The following DLC1 variants were observed in gnomAD, a reference collection of about 807,000 sequenced individuals.
DLC1 encodes the protein DLC1 Rho GTPase activating protein, also known as rho GTPase-activating protein 7.
DLC1 carries 54 observed loss-of-function variants against 140.3 expected under a neutral mutation model. The observed-to-expected ratio is 0.38, with a 90% CI of 0.31 to 0.48. The LOEUF is 0.48. Ranked by LOEUF, DLC1 falls within the 20% of genes least tolerant of loss-of-function variation. The pLI is 0.96. For synonymous variants in DLC1, 986 were observed against 728.1 expected (o/e 1.35, Z -5.70); for missense variants, 2,536 against 1,907.0 (o/e 1.33, Z -6.14).
chr8:13,108,660 C>T (rs1462105440), intron 7 of DLC1, among the ~76,000 whole-genome samples: 2 of 152,178 alleles, frequency 1.3e-5, no homozygotes, highest in Non-Finnish European at 2.9e-5. Context: ...AATTCCTAAG[C>T]TATTGCTGCT....
intron 5 of DLC1, among the ~76,000 whole-genome samples, chr8:13,179,877 C>G (rs1186669002): frequency 2.6e-5 from 4 of 152,072 alleles, no homozygotes; most frequent in African/African-American, 4.8e-5. Flanking sequence ...GATCTGGACT[C>G]AGGAGAGAAG....
chr8:13,181,617 G>A (rs1013187163), intron 5 of DLC1, among the ~76,000 whole-genome samples: 8 of 151,798 alleles, frequency 5.3e-5, no homozygotes, highest in South Asian at 2.1e-4. Context: ...ATAGTTTGCT[G>A]AGAATGATGG....
At chr8:13,604,338 G>A (rs1319299522) in intron 1 of DLC1, among the ~76,000 whole-genome samples, 10 of 152,104 alleles carry the variant, frequency 6.6e-5, no homozygotes, top group Non-Finnish European at 1.3e-4. Flanking sequence ...ATGTCAGACA[G>A]TGACACTGAG....
chr8:13,290,036 A>G (rs530549922), intron 5 of DLC1, among the ~76,000 whole-genome samples: 58 of 150,816 alleles, frequency 3.8e-4, no homozygotes, highest in African/African-American at 1.3e-3. Flanking sequence ...TAAGTTCTGT[A>G]CAGGTAGTGT....
At chr8:13,200,017 C>A (rs897051948) in intron 5 of DLC1, among the ~76,000 whole-genome samples, 1 of 152,028 alleles carries the variant, frequency 6.6e-6, no homozygotes, top group African/African-American at 2.4e-5. Flanking sequence ...TCACTTAATC[C>A]TCATAACAAC....
At position 13,085,349 on chromosome 8, in the gene DLC1, A is replaced by AT. The variant is rs1469167002; in HGVS notation, c.*461dup. The AT allele has an allele frequency of 6.5e-6, 1 of 153,898 alleles. No individual in the cohort carries two copies. The highest frequency in any genetic ancestry group is 1.5e-5 in the Non-Finnish European group (1 of 68,920). 9.5% of individuals were successfully genotyped at this position (153,898 alleles called of 1,614,324 possible). ...GCCATTCAGCCAGCAACAAACACAC[A>AT]TTCACACTCCTCTGTGCAAACCTTT... On this transcript the variant is annotated 3_prime_UTR_variant, in exon 18 of 18. Transcript: ENST00000276297.
chr8:13,188,801 GTATATATATATATATATA>G lies in DLC1; in HGVS notation c.1349-73162_1349-73145del, dbSNP rs1237501850. On this transcript the variant is annotated intron_variant, in intron 5 of 17. Coordinates refer to ENST00000276297, the MANE Select transcript of DLC1 (RefSeq NM_182643.3). The stretch of plus-strand genomic sequence containing the variant: ...AATGTGTGTGTGTGTGTGTGTGTGT[GTATATATATATATATATA>G]TATATATGTATATATATATATATAT... 7.1e-3 allele frequency among the ~76,000 whole-genome samples: 513 copies of G among 71,774 alleles called. 5 individuals are homozygous for G. The highest frequency in any genetic ancestry group is 0.032 in the African/African-American group (472 of 14,980). 47.1% of individuals were successfully genotyped at this position (71,774 alleles called of 152,430 possible). A position where few individuals can be genotyped will look rare whatever the true frequency, so the allele number is the denominator to read the frequency against.
intron 2 of DLC1, among the ~76,000 whole-genome samples, chr8:13,480,033 G>T (rs1163378851): frequency 6.6e-6 from 1 of 152,122 alleles, no homozygotes; most frequent in Non-Finnish European, 1.5e-5. Flanking sequence ...GCCACTTGCA[G>T]TCCGACCTGA....
chr8:13,384,033 G>A (rs1274028596), intron 4 of DLC1, among the ~76,000 whole-genome samples: 5 of 152,168 alleles, frequency 3.3e-5, no homozygotes, highest in African/African-American at 9.7e-5. Flanking sequence ...TCCATGGTGT[G>A]CATGTATCAG....
intron 8 of DLC1, among the ~76,000 whole-genome samples, chr8:13,102,412 G>T (rs1343332685): frequency 6.6e-6 from 1 of 152,056 alleles, no homozygotes; most frequent in African/African-American, 2.4e-5. Context: ...TTGAAGCACA[G>T]TTATTGTTAT....
intron 5 of DLC1, among the ~76,000 whole-genome samples, chr8:13,121,741 C>T (rs191684637): frequency 6.6e-6 from 1 of 152,042 alleles, no homozygotes; most frequent in East Asian, 1.9e-4. Context: ...TTTATAGAGA[C>T]AGAGTCTCGC....
At chr8:13,603,400 AT>A (rs998239796) in intron 1 of DLC1, among the ~76,000 whole-genome samples, 2 of 150,730 alleles carry the variant, frequency 1.3e-5, no homozygotes, top group Admixed American at 6.6e-5. Flanking sequence ...TTTTACTTTA[AT>A]TTTTTTTTAG....
At chr8:13,132,591 C>A (rs1408316016) in intron 5 of DLC1, among the ~76,000 whole-genome samples, 1 of 152,144 alleles carries the variant, frequency 6.6e-6, no homozygotes, top group Non-Finnish European at 1.5e-5. Context: ...GCGGTGTCGC[C>A]GCGCCCCTCG....
chr8:13,587,082 A>G (rs1252291208), intron 1 of DLC1, among the ~76,000 whole-genome samples: 1 of 149,672 alleles, frequency 6.7e-6, no homozygotes, highest in Non-Finnish European at 1.5e-5. Context: ...TAGTTTACAC[A>G]CACACACACA....
chr8:13,443,674 A>T (rs1390065180), intron 2 of DLC1, among the ~76,000 whole-genome samples: 2 of 151,180 alleles, frequency 1.3e-5, no homozygotes, highest in Non-Finnish European at 2.9e-5. Flanking sequence ...AAAAAAAAAA[A>T]AGAAAAAGAA....
intron 2 of DLC1, among the ~76,000 whole-genome samples, chr8:13,430,963 T>A (rs1461712335): frequency 6.6e-6 from 1 of 152,208 alleles, no homozygotes; most frequent in Non-Finnish European, 1.5e-5. Flanking sequence ...TGAAGTCGCA[T>A]GAAACATATT....
At chr8:13,577,207 A>T (rs1804873947) in intron 1 of DLC1, among the ~76,000 whole-genome samples, 1 of 152,184 alleles carries the variant, frequency 6.6e-6, no homozygotes, top group African/African-American at 2.4e-5. Flanking sequence ...TTCACTCCTC[A>T]AAGACTGTGC....
intron 2 of DLC1, among the ~76,000 whole-genome samples, chr8:13,479,006 A>G (rs1177787138): frequency 6.6e-6 from 1 of 152,176 alleles, no homozygotes. Context: ...CTTTCCTTTC[A>G]GAAACAGCTT....
chr8:13,166,432 C>T (rs1326590784), intron 5 of DLC1, among the ~76,000 whole-genome samples: 1 of 152,132 alleles, frequency 6.6e-6, no homozygotes, highest in Non-Finnish European at 1.5e-5. Flanking sequence ...CCTCTGCCTC[C>T]CGGGTTCAAG....
Sources: gnomAD v4.1 joint callset for allele counts (sites outside exome capture counted in the v4.1 genomes callset) on GRCh38, gnomAD v4.1.1 for gene constraint, MANE v1.5 for transcripts, NCBI Gene and HGNC (gene_info 2026-07-23, HGNC 2026-07-21) for gene names.